The following CSNK2A1 variants were observed in gnomAD, a reference collection of about 807,000 sequenced individuals.
The protein encoded by CSNK2A1 is casein kinase 2 alpha 1, also known as casein kinase II subunit alpha.
A neutral mutation model predicts 62.9 loss-of-function variants in CSNK2A1; 10 were observed. The ratio of observed to expected loss-of-function variants is 0.16; its 90% CI spans 0.10 to 0.27. The LOEUF (loss-of-function observed/expected upper bound fraction) is 0.27, where lower values mean the gene tolerates loss of function less well. Ranked by LOEUF, CSNK2A1 falls within the 10% of genes least tolerant of loss-of-function variation. The probability of loss-of-function intolerance (pLI) is 1.00; values close to 1 mark genes in which losing one functional copy is unlikely to be tolerated. For missense variants in CSNK2A1, 160 were observed against 492.0 expected (o/e 0.33, Z 6.38); for synonymous variants, 124 against 167.8 (o/e 0.74, Z 2.02).
rs2122480802 is a variant in CSNK2A1, at chr20:480,116, A to T, written c.*3845T>A. 1 of 152,298 alleles carries T rather than the reference A, an allele frequency of 6.6e-6. No homozygotes were observed. Among genetic ancestry groups the T allele is most frequent in the East Asian group, 1.9e-4 (1 of 5,180 alleles). The allele number at this position is 152,298 out of a possible 1,614,324, so 9.4% of individuals were successfully genotyped here. A position where few individuals can be genotyped will look rare whatever the true frequency, so the allele number is the denominator to read the frequency against. On this transcript the variant is annotated 3_prime_UTR_variant, in exon 14 of 14. Transcript: ENST00000217244. ...CCTATTTATCAGGGTCTCATTAAAT[A>T]AAGTTACTTGTCATGTTAGTTCAGT...
At position 497,767 on chromosome 20, in the gene CSNK2A1, G is replaced by A. The variant is rs769568917; in HGVS notation, c.380C>T (p.Thr127Met). The change falls in exon 7 of 14, where the codon ACG becomes ATG. Residue 127 changes from threonine to methionine, a missense_variant. Thr to Met is a moderately conservative substitution (Grantham distance 81). This residue lies in a region of CSNK2A1 where 94 missense variants were observed against 357.6 expected (regional missense o/e 0.26). Coordinates refer to ENST00000217244, the MANE Select transcript of CSNK2A1 (RefSeq NM_177559.3). ...NNTDFKQLYQTLTDYDIRFYM... is the reference protein window; with the variant it reads ...NNTDFKQLYQMLTDYDIRFYM... Reference sequence around the variant, plus strand: ...AAATCGAATATCATAGTCTGTTAACGTCTGGTACAATTGCTGTTAAAGACA... The same window carrying A: ...AAATCGAATATCATAGTCTGTTAACATCTGGTACAATTGCTGTTAAAGACA... 6 of 1,612,388 alleles carry A rather than the reference G, an allele frequency of 3.7e-6. No homozygotes were observed. The highest frequency in any genetic ancestry group is 2.2e-5 in the East Asian group (1 of 44,804).
intron 2 of CSNK2A1, among the ~76,000 whole-genome samples, chr20:518,647 C>T (rs978527917): frequency 2.6e-5 from 4 of 151,642 alleles, no homozygotes; most frequent in East Asian, 3.9e-4. Context: ...CCTGGGTTCA[C>T]GCCATTCTCC....
chr20:476,472 C>T lies in CSNK2A1; in HGVS notation c.*7489G>A, dbSNP rs183550613. 1 of 152,110 alleles carries T rather than the reference C, an allele frequency of 6.6e-6. No individual in the cohort carries two copies. Among genetic ancestry groups the T allele is most frequent in the Admixed American group, 6.5e-5 (1 of 15,288 alleles). The allele number at this position is 152,110 out of a possible 1,614,324, so 9.4% of individuals were successfully genotyped here. The stretch of plus-strand genomic sequence containing the variant: ...ACAGGGTGTCACCATGTTGTTCAGT[C>T]TGGTTTCAAACTCCTGACCTCAGGT... On this transcript the variant is annotated 3_prime_UTR_variant, in exon 14 of 14. Transcript: ENST00000217244.
At chr20:488,377 A>C (rs538472823) in intron 11 of CSNK2A1, 127 of 268,130 alleles carry the variant, frequency 4.7e-4, no homozygotes, top group Non-Finnish European at 6.9e-4. Flanking sequence ...TCACTTAAAG[A>C]AGCAAGGTAA....
At chr20:538,848 TTA>T (rs1408357353) in intron 1 of CSNK2A1, among the ~76,000 whole-genome samples, 1 of 152,080 alleles carries the variant, frequency 6.6e-6, no homozygotes, top group Non-Finnish European at 1.5e-5. Context: ...AATGAAGAAA[TTA>T]TGTCATTTAT....
intron 9 of CSNK2A1, among the ~76,000 whole-genome samples, chr20:490,190 C>T (rs1249027229): frequency 6.6e-6 from 1 of 150,394 alleles, no homozygotes; most frequent in African/African-American, 2.5e-5. Context: ...TGCCACCATG[C>T]CTGGCTAATT....
chr20:492,948 A>G (rs157813), intron 8 of CSNK2A1, among the ~76,000 whole-genome samples: 47,287 of 152,010 alleles, frequency 0.31, 8,012 homozygotes, highest in East Asian at 0.68. Context: ...AATGCATCCT[A>G]AACATGGAAA....
chr20:492,244 C>T lies in CSNK2A1; in HGVS notation c.621+10G>A. ...CAGGATCAAAACTGTGCCTGCCCTT[C>T]TGTTCTTACCTGATAGTCTACAAGT... On this transcript the variant is annotated intron_variant, in intron 9 of 13. Transcript: ENST00000217244. 6.2e-7 allele frequency: 1 copy of T among 1,608,454 alleles called. No individual in the cohort carries two copies. The highest frequency in any genetic ancestry group is 8.5e-7 in the Non-Finnish European group (1 of 1,175,526).
At position 505,433 on chromosome 20, in the gene CSNK2A1, G is replaced by C. The variant is rs112976941; in HGVS notation, c.102-204C>G. ...AGAGTGCAGTGGCGCGATCTCTGCT[G>C]ACTGCCAGCTCCACCTCCCGGGTTC... is the stretch of plus-strand genomic sequence containing the variant. On this transcript the variant is annotated intron_variant, in intron 3 of 13. Transcript: ENST00000217244. Among the ~76,000 whole-genome samples, 3,649 of 132,014 alleles carry C rather than the reference G, an allele frequency of 0.028. 155 individuals are homozygous for C. The highest frequency in any genetic ancestry group is 0.097 in the African/African-American group (3,329 of 34,484). 86.6% of individuals were successfully genotyped at this position (132,014 alleles called of 152,430 possible).
Position 480,634 on chromosome 20 carries a change from T to C in CSNK2A1, c.*3327A>G, listed in dbSNP as rs961953692. On this transcript the variant is annotated 3_prime_UTR_variant, in exon 14 of 14. Transcript: ENST00000217244. ...CATTTTTTGAGGAAGGAACTGAGCATGACCTTACCACACAGCCTTTTTAGT... is the reference window on the plus strand; with the variant it reads ...CATTTTTTGAGGAAGGAACTGAGCACGACCTTACCACACAGCCTTTTTAGT... 2.6e-5 allele frequency: 4 copies of C among 152,188 alleles called. No individual in the cohort carries two copies. Among genetic ancestry groups the C allele is most frequent in the Non-Finnish European group, 2.9e-5 (2 of 68,038 alleles). 9.4% of individuals were successfully genotyped at this position (152,188 alleles called of 1,614,324 possible).
In CSNK2A1 at chr20:512,042, T is replaced by C. The variant is rs147910195; in HGVS notation, c.-109-3382A>G. 5.9e-5 allele frequency among the ~76,000 whole-genome samples: 9 copies of C among 152,176 alleles called. No homozygotes were observed. In the East Asian group the frequency reaches 1.7e-3, roughly 29 times the overall value. ...AACTTCTCTACATCCTTACTAACAC[T>C]TGTTATTTTCTGTTTTTTGCTTGTT... On this transcript the variant is annotated intron_variant, in intron 2 of 13. Coordinates refer to ENST00000217244, the MANE Select transcript of CSNK2A1 (RefSeq NM_177559.3).
At chr20:538,493 C>G (rs761087640) in intron 1 of CSNK2A1, among the ~76,000 whole-genome samples, 55 of 152,308 alleles carry the variant, frequency 3.6e-4, no homozygotes, top group Non-Finnish European at 6.0e-4. Flanking sequence ...GGTCTCACTT[C>G]CTTCATCCTC....
intron 1 of CSNK2A1, among the ~76,000 whole-genome samples, chr20:537,528 C>T (rs1039881042): frequency 2.0e-5 from 3 of 152,014 alleles, no homozygotes; most frequent in South Asian, 2.1e-4. Flanking sequence ...GAGCACTCAA[C>T]GTAAGAAAAC....
At chr20:536,266 G>A (rs1230193954) in intron 1 of CSNK2A1, among the ~76,000 whole-genome samples, 2 of 152,228 alleles carry the variant, frequency 1.3e-5, no homozygotes, top group African/African-American at 4.8e-5. Flanking sequence ...AGCAGAAAAT[G>A]AAAATAAAGA....
intron 1 of CSNK2A1, chr20:540,727 A>G (rs1013385534): frequency 1.3e-5 from 2 of 152,150 alleles, no homozygotes; most frequent in Admixed American, 1.3e-4. Flanking sequence ...AGGTAATAGT[A>G]CCCCACTCCT....
intron 8 of CSNK2A1, among the ~76,000 whole-genome samples, chr20:493,322 T>C (rs961292296): frequency 7.2e-5 from 11 of 152,220 alleles, no homozygotes; most frequent in Non-Finnish European, 1.3e-4. Context: ...TCTTGTTTGA[T>C]ATATTGCCAT....
chr20:478,703 T>C lies in CSNK2A1; in HGVS notation c.*5258A>G. On this transcript the variant is annotated 3_prime_UTR_variant, in exon 14 of 14. Coordinates refer to ENST00000217244, the MANE Select transcript of CSNK2A1 (RefSeq NM_177559.3). ...CAGCACTTTGGGAGGCCAAGGCGGG[T>C]AGACTGTTGAGCTCAGGAGTTCAAG... The C allele has an allele frequency of 2.5e-6, 1 of 395,162 alleles. No homozygotes were observed. The highest frequency in any genetic ancestry group is 4.9e-6 in the Non-Finnish European group (1 of 202,176). The allele number at this position is 395,162 out of a possible 1,614,324, so 24.5% of individuals were successfully genotyped here. A position where few individuals can be genotyped will look rare whatever the true frequency, so the allele number is the denominator to read the frequency against.
chr20:523,784 G>A (rs939458042), intron 2 of CSNK2A1, among the ~76,000 whole-genome samples: 4 of 150,588 alleles, frequency 2.7e-5, no homozygotes, highest in Non-Finnish European at 5.9e-5. Context: ...CCAACTACTC[G>A]GGAGGCTGAG....
intron 2 of CSNK2A1, among the ~76,000 whole-genome samples, chr20:519,572 A>C (rs1237705058): frequency 6.6e-6 from 1 of 152,174 alleles, no homozygotes; most frequent in African/African-American, 2.4e-5. Context: ...AACTAAAGAC[A>C]AGCAAGTACA....
Sources: allele counts gnomAD v4.1 joint callset (sites outside exome capture counted in the v4.1 genomes callset), GRCh38; gene constraint gnomAD v4.1.1; regional missense constraint gnomAD v4.1.1; transcripts MANE v1.5; gene names NCBI Gene and HGNC (gene_info 2026-07-23, HGNC 2026-07-21).